USP12: variants seen among roughly 807,000 people sequenced by gnomAD.
The protein encoded by USP12 is ubiquitin carboxyl-terminal hydrolase 12.
USP12 carries 19 observed loss-of-function variants against 45.5 expected under a neutral mutation model. That is an observed-to-expected ratio of 0.42 (90% CI 0.29 to 0.61). The LOEUF (loss-of-function observed/expected upper bound fraction) is 0.61, where lower values mean the gene tolerates loss of function less well. Among genes scored for constraint, USP12 ranks in the 20% least tolerant of loss-of-function variants. USP12 has a pLI of 0.22. For synonymous variants in USP12, 149 were observed against 148.8 expected (o/e 1.00, Z -0.01); for missense variants, 242 against 447.7 (o/e 0.54, Z 4.15).
chr13:27,155,373 A>G (rs889892087), intron 1 of USP12, among the ~76,000 whole-genome samples: 24 of 151,924 alleles, frequency 1.6e-4, no homozygotes, highest in South Asian at 6.2e-4. Context: ...GAGCCACTGC[A>G]CCCAGCGACC....
In USP12 at chr13:27,160,826, G is replaced by C. The variant is rs1878072577; in HGVS notation, c.48+10766C>G. The stretch of plus-strand genomic sequence containing the variant: ...TTCAACCTTAAGTTACAGGGTACAT[G>C]TGCAGGATGTGCAGGTTTGTGACAC... On this transcript the variant is annotated intron_variant, in intron 1 of 8. Transcript: ENST00000282344. Among the ~76,000 whole-genome samples the C allele has an allele frequency of 2.0e-5, 3 of 146,958 alleles. No homozygotes were observed. In the South Asian group the frequency reaches 6.5e-4, roughly 32 times the overall value.
At chr13:27,137,306 A>G (rs1414404409) in intron 1 of USP12, among the ~76,000 whole-genome samples, 1 of 152,238 alleles carries the variant, frequency 6.6e-6, no homozygotes, top group East Asian at 1.9e-4. Flanking sequence ...GGTCATGATT[A>G]TACATGATAG....
At chr13:27,109,655 A>G (rs147132772) in intron 2 of USP12, among the ~76,000 whole-genome samples, 4,161 of 152,164 alleles carry the variant, frequency 0.027, 70 homozygotes, top group Admixed American at 0.051. Context: ...CAGTGGCTCA[A>G]GCCTGTAATC....
At chr13:27,082,714 G>T (rs1447347973) in intron 6 of USP12, among the ~76,000 whole-genome samples, 1 of 152,142 alleles carries the variant, frequency 6.6e-6, no homozygotes, top group Non-Finnish European at 1.5e-5. Context: ...GCCATTGTAA[G>T]GTTATTAATT....
At chr13:27,108,956 ATG>A (rs541238759) in intron 2 of USP12, among the ~76,000 whole-genome samples, 9 of 151,772 alleles carry the variant, frequency 5.9e-5, no homozygotes, top group Non-Finnish European at 1.3e-4. Context: ...AAAGATACAT[ATG>A]TGTGTGTGTG....
chr13:27,090,632 G>A (rs1323273249), intron 4 of USP12, among the ~76,000 whole-genome samples: 3 of 151,916 alleles, frequency 2.0e-5, no homozygotes, highest in Non-Finnish European at 4.4e-5. Flanking sequence ...ATAAAGTTTT[G>A]TTTGATTTAT....
intron 6 of USP12, chr13:27,077,369 G>C (rs28376624): frequency 6.6e-6 from 1 of 152,254 alleles, no homozygotes; most frequent in Admixed American, 6.5e-5. Context: ...ATAAATGGCA[G>C]TCAGGTAAGA....
intron 2 of USP12, among the ~76,000 whole-genome samples, chr13:27,113,415 G>A (rs1321662784): frequency 6.6e-6 from 1 of 152,214 alleles, no homozygotes; most frequent in Admixed American, 6.5e-5. Context: ...ATGCTAAGAT[G>A]TTCTAAGGGA....
At chr13:27,162,626 T>C (rs1222722658) in intron 1 of USP12, among the ~76,000 whole-genome samples, 1 of 152,234 alleles carries the variant, frequency 6.6e-6, no homozygotes, top group Non-Finnish European at 1.5e-5. Context: ...TTAATTTTCT[T>C]AGTTGTGACA....
At chr13:27,151,139 G>A (rs1255197486) in intron 1 of USP12, among the ~76,000 whole-genome samples, 1 of 152,034 alleles carries the variant, frequency 6.6e-6, no homozygotes, top group African/African-American at 2.4e-5. Context: ...GACCAGCCTG[G>A]TCAACATGGC....
chr13:27,106,582 G>C (rs368721509), intron 2 of USP12, among the ~76,000 whole-genome samples: 1 of 152,058 alleles, frequency 6.6e-6, no homozygotes, highest in Non-Finnish European at 1.5e-5. Context: ...AAAGGAATGA[G>C]GATAATTCTC....
chr13:27,086,191 AAAAAAAATAT>A (rs1225602859), intron 6 of USP12, among the ~76,000 whole-genome samples: 63 of 72,562 alleles, frequency 8.7e-4, no homozygotes, highest in African/African-American at 1.6e-3. Context: ...AAAAAAAAAA[AAAAAAAATAT>A]ATATATATAT....
intron 6 of USP12, chr13:27,077,314 A>G (rs1873534767): frequency 6.6e-6 from 1 of 152,216 alleles, no homozygotes; most frequent in Admixed American, 6.5e-5. Flanking sequence ...GGTAGATGCA[A>G]AAGAAGAATT....
At chr13:27,161,700 G>A (rs953123688) in intron 1 of USP12, among the ~76,000 whole-genome samples, 3 of 152,086 alleles carry the variant, frequency 2.0e-5, no homozygotes, top group Middle Eastern at 3.4e-3. Context: ...GTGAAACCCT[G>A]TCTCTACAAA....
Position 27,095,600 on chromosome 13 carries a change from C to T in USP12, c.573+1G>A, listed in dbSNP as rs2137776086. On this transcript the variant is annotated splice_donor_variant, in intron 4 of 8. Coordinates refer to ENST00000282344, the MANE Select transcript of USP12 (RefSeq NM_182488.4). LOFTEE classifies it high-confidence loss of function. ...TATACAAAATTGTATGATATACTTA[C>T]AGTTTCACAAGTAAGACATCTGGTT... The T allele has an allele frequency of 6.3e-7, 1 of 1,589,440 alleles. No homozygotes were observed. Among genetic ancestry groups the T allele is most frequent in the Non-Finnish European group, 8.6e-7 (1 of 1,168,436 alleles).
intron 1 of USP12, among the ~76,000 whole-genome samples, chr13:27,123,412 A>C (rs924342679): frequency 6.6e-6 from 1 of 152,242 alleles, no homozygotes; most frequent in African/African-American, 2.4e-5. Flanking sequence ...TAAAAGTCAA[A>C]CATTAACAAA....
At position 27,103,607 on chromosome 13, in the gene USP12, A is replaced by AAATAATAATAAT. The variant is rs1555234498; in HGVS notation, c.343+2112_343+2123dup. 1.8e-3 allele frequency among the ~76,000 whole-genome samples: 231 copies of AAATAATAATAAT among 128,502 alleles called. 2 individuals are homozygous for AAATAATAATAAT. Among genetic ancestry groups the AAATAATAATAAT allele is most frequent in the African/African-American group, 5.9e-3 (202 of 34,050 alleles). 84.3% of individuals were successfully genotyped at this position (128,502 alleles called of 152,430 possible). On this transcript the variant is annotated intron_variant, in intron 3 of 8. Transcript: ENST00000282344. The stretch of plus-strand genomic sequence containing the variant: ...GTAACTATTGAACTATCAAAAAAAA[A>AAATAATAATAAT]AATAATAATAATAATAATAATAAGG...
intron 1 of USP12, among the ~76,000 whole-genome samples, chr13:27,168,530 A>G (rs1433981480): frequency 2.0e-5 from 3 of 152,234 alleles, no homozygotes; most frequent in African/African-American, 7.2e-5. Context: ...AATATTAAAT[A>G]TCAGGTAGGC....
At chr13:27,111,768 ACT>A (rs1565993404) in intron 2 of USP12, among the ~76,000 whole-genome samples, 1 of 152,172 alleles carries the variant, frequency 6.6e-6, no homozygotes, top group Non-Finnish European at 1.5e-5. Context: ...TTTATTACAC[ACT>A]ATTATTTTCA....
Sources: gnomAD v4.1 joint callset for allele counts (sites outside exome capture counted in the v4.1 genomes callset) on GRCh38, gnomAD v4.1.1 for gene constraint, MANE v1.5 for transcripts, NCBI Gene and HGNC (gene_info 2026-07-23, HGNC 2026-07-21) for gene names.